ZPLD1: variants seen among roughly 807,000 people sequenced by gnomAD.
The protein encoded by ZPLD1 is zona pellucida like domain containing 1.
A neutral mutation model predicts 47.2 loss-of-function variants in ZPLD1; 34 were observed. The observed-to-expected ratio is 0.72, with a 90% CI of 0.55 to 0.96. ZPLD1 has a LOEUF of 0.96. ZPLD1 is among the 40% of genes least tolerant of loss of function. The pLI is 0.00. For missense variants in ZPLD1, 512 were observed against 505.8 expected, an observed-to-expected ratio of 1.01 and a Z score of -0.12; for synonymous variants, 176 against 186.2, an observed-to-expected ratio of 0.95 and a Z score of 0.45.
chr3:102,419,938 A>C (rs16845028), intron 8 of ZPLD1, among the ~76,000 whole-genome samples: 1,525 of 151,234 alleles, frequency 0.01, 25 homozygotes, highest in African/African-American at 0.035. Context: ...TGGAATGTAA[A>C]GTAGGTCAAG....
chr3:102,453,040 C>A lies in ZPLD1; in HGVS notation c.228C>A (p.Asp76Glu). Residue 76 changes from aspartate to glutamate, a missense_variant, in exon 4 of 12, where the codon GAC becomes GAA. Coordinates refer to ENST00000466937, the MANE Select transcript of ZPLD1 (RefSeq NM_001329788.2). ...TGGCACTGAATGGAAGGCATGGGGA[C>A]TCCCACTGCAGAGGGTTCATCAATA... Reference protein sequence around the residue: ...TDLALNGRHGDSHCRGFINNN... With the variant: ...TDLALNGRHGESHCRGFINNN... 1 of 1,614,076 alleles carries A rather than the reference C, an allele frequency of 6.2e-7. No individual in the cohort carries two copies. The highest frequency in any genetic ancestry group is 8.5e-7 in the Non-Finnish European group (1 of 1,179,984).
intron 10 of ZPLD1, among the ~76,000 whole-genome samples, chr3:102,473,052 C>T (rs558578565): frequency 6.6e-6 from 1 of 152,152 alleles, no homozygotes; most frequent in South Asian, 2.1e-4. Context: ...AGGAATCGCC[C>T]TTTATAAAAC....
intron 3 of ZPLD1, among the ~76,000 whole-genome samples, chr3:102,446,800 T>C (rs1324890386): frequency 2.0e-5 from 3 of 152,214 alleles, no homozygotes; most frequent in Admixed American, 2.0e-4. Flanking sequence ...TATATCATTA[T>C]CAGGCTGTAT....
chr3:102,420,504 T>C (rs960193781), intron 8 of ZPLD1, among the ~76,000 whole-genome samples: 1 of 151,980 alleles, frequency 6.6e-6, no homozygotes, highest in African/African-American at 2.4e-5. Flanking sequence ...AAAGAAAATT[T>C]GAACACAGAT....
intron 8 of ZPLD1, among the ~76,000 whole-genome samples, chr3:102,419,919 TA>T (rs1706856725): frequency 6.6e-6 from 1 of 151,556 alleles, no homozygotes; most frequent in Non-Finnish European, 1.5e-5. Context: ...TTTTTTTCTG[TA>T]TTTAAGCTGG....
chr3:102,387,831 C>G (rs1449478213), intron 6 of ZPLD1, among the ~76,000 whole-genome samples: 1 of 149,020 alleles, frequency 6.7e-6, no homozygotes. Flanking sequence ...AGATTCATGT[C>G]CTTCAGTTCT....
intron 7 of ZPLD1, among the ~76,000 whole-genome samples, chr3:102,409,293 T>A (rs1040277544): frequency 6.6e-6 from 1 of 151,818 alleles, no homozygotes; most frequent in Non-Finnish European, 1.5e-5. Context: ...TAAGATAAAG[T>A]GTAGGAGGAC....
In ZPLD1 at chr3:102,444,654, A is replaced by AAGAT. The variant is rs1222490357; in HGVS notation, c.106+6062_106+6065dup. On this transcript the variant is annotated intron_variant, in intron 3 of 11. Transcript: ENST00000466937. ...ATATAAATTATTATTATGGTTTAAA[A>AAGAT]AGATGGTATAAATTAGTATTGGAAT... Among the ~76,000 whole-genome samples the AAGAT allele has an allele frequency of 6.6e-5, 10 of 152,314 alleles. No individual in the cohort carries two copies. The South Asian group carries it at 1.5e-3, about 22-fold the overall frequency.
In ZPLD1 at chr3:102,459,043, TAG is replaced by T. The variant is rs1488268340; in HGVS notation, c.582+1191_582+1192del. ...AGGCGGAGGTTGCAGGGAGCCGAGA[TAG>T]CACCACTGCACTCCAGCCTGGGAGA... On this transcript the variant is annotated intron_variant, in intron 6 of 11. Transcript: ENST00000466937. Among the ~76,000 whole-genome samples the T allele has an allele frequency of 1.3e-4, 16 of 121,760 alleles. No individual in the cohort carries two copies. The South Asian group carries it at 3.0e-3, about 23-fold the overall frequency. The allele number at this position is 121,760 out of a possible 152,430, so 79.9% of individuals were successfully genotyped here.
Position 102,438,550 on chromosome 3 carries a change from C to A in ZPLD1, c.63C>A (p.Phe21Leu), listed in dbSNP as rs764994042. The change falls in exon 3 of 12, where the codon TTC becomes TTA. Residue 21 changes from phenylalanine (F) to leucine (L), a missense_variant. Transcript: ENST00000466937. Reference protein sequence around the residue: ...TIRVLPGSAQFNGYNCDANLH... With the variant: ...TIRVLPGSAQLNGYNCDANLH... ...GAGTGCTTCCGGGGTCTGCTCAGTT[C>A]AACGGCTACAACTGTGATGCCAACC... 6 of 1,613,962 alleles carry A rather than the reference C, an allele frequency of 3.7e-6. No homozygotes were observed. The highest frequency in any genetic ancestry group is 5.1e-6 in the Non-Finnish European group (6 of 1,179,848).
chr3:102,387,900 G>T (rs1463780936), intron 6 of ZPLD1, among the ~76,000 whole-genome samples: 7 of 118,736 alleles, frequency 5.9e-5, no homozygotes, highest in Non-Finnish European at 1.1e-4. Flanking sequence ...TCTCTCTGTC[G>T]CCCAGGCTGG....
chr3:102,443,030 CT>C (rs1459244612), intron 3 of ZPLD1, among the ~76,000 whole-genome samples: 1 of 152,118 alleles, frequency 6.6e-6, no homozygotes, highest in Non-Finnish European at 1.5e-5. Flanking sequence ...TGTACTTGGC[CT>C]TTGTGACTAG....
At chr3:102,408,942 T>G (rs900269308) in intron 7 of ZPLD1, among the ~76,000 whole-genome samples, 5 of 151,784 alleles carry the variant, frequency 3.3e-5, no homozygotes, top group Admixed American at 6.6e-5. Flanking sequence ...TTAAAATATT[T>G]TATTAACCAG....
At chr3:102,454,441 C>T (rs1306185540) in intron 4 of ZPLD1, among the ~76,000 whole-genome samples, 1 of 152,110 alleles carries the variant, frequency 6.6e-6, no homozygotes, top group Non-Finnish European at 1.5e-5. Flanking sequence ...CCTTTCCTTC[C>T]CTTTCTTGTC....
At chr3:102,439,762 A>G (rs969970809) in intron 3 of ZPLD1, among the ~76,000 whole-genome samples, 3 of 152,178 alleles carry the variant, frequency 2.0e-5, no homozygotes, top group Non-Finnish European at 4.4e-5. Context: ...TTTATATGTG[A>G]TGGAAAAGAA....
chr3:102,398,914 A>T (rs900534961), intron 7 of ZPLD1, among the ~76,000 whole-genome samples: 1 of 152,160 alleles, frequency 6.6e-6, no homozygotes, highest in Non-Finnish European at 1.5e-5. Context: ...ATGCACGCAC[A>T]CACTTTTATT....
chr3:102,458,827 C>G (rs930747995), intron 6 of ZPLD1, among the ~76,000 whole-genome samples: 1 of 152,142 alleles, frequency 6.6e-6, no homozygotes, highest in Non-Finnish European at 1.5e-5. Flanking sequence ...CTGTGGCTCA[C>G]GCCTGTAATC....
At position 102,412,661 on chromosome 3, in the gene ZPLD1, G is replaced by A. The variant is rs186449318; in HGVS notation, c.-156-5399G>A. ...TAAGTAACTATAACAGAAAGATAGA[G>A]TTTACTTCAACATAAGGATGAATTT... is the stretch of plus-strand genomic sequence containing the variant. On this transcript the variant is annotated intron_variant, in intron 7 of 17. Coordinates refer to the ZPLD1 transcript ENST00000491959. Among the ~76,000 whole-genome samples, 250 of 151,836 alleles carry A rather than the reference G, an allele frequency of 1.6e-3. 1 individual carries two copies. Among genetic ancestry groups the A allele is most frequent in the Admixed American group, 3.0e-3 (45 of 15,198 alleles).
At chr3:102,386,199 C>T (rs531005513) in intron 6 of ZPLD1, among the ~76,000 whole-genome samples, 1 of 152,098 alleles carries the variant, frequency 6.6e-6, no homozygotes, top group East Asian at 1.9e-4. Flanking sequence ...AGTTTTCAAC[C>T]CTTGGTGTCA....
Sources: gnomAD v4.1 joint callset for allele counts (sites outside exome capture counted in the v4.1 genomes callset) on GRCh38, gnomAD v4.1.1 for gene constraint, MANE v1.5 for transcripts, NCBI Gene and HGNC (gene_info 2026-07-23, HGNC 2026-07-21) for gene names.